PUM2: variants seen among roughly 807,000 people sequenced by gnomAD.
The protein encoded by PUM2 is pumilio homolog 2.
PUM2 carries 57 observed loss-of-function variants against 124.5 expected under a neutral mutation model. The ratio of observed to expected loss-of-function variants is 0.46; its 90% CI spans 0.37 to 0.57. The LOEUF is 0.57. Among genes scored for constraint, PUM2 ranks in the 20% least tolerant of loss-of-function variants. PUM2 has a pLI of 0.00. For synonymous variants in PUM2, 460 were observed against 446.1 expected (o/e 1.03, Z -0.39); for missense variants, 1,065 against 1,290.6 (o/e 0.83, Z 2.68).
intron 13 of PUM2, among the ~76,000 whole-genome samples, chr2:20,274,976 A>AAAAAAAAAAAAAAAAAT (rs1572653682): frequency 6.8e-6 from 1 of 148,004 alleles, no homozygotes; most frequent in African/African-American, 2.5e-5. Flanking sequence ...AAAAAAAAAG[A>AAAAAAAAAAAAAAAAAT]TGCTTACTTC....
chr2:20,291,852 G>A (rs974010961), intron 9 of PUM2, among the ~76,000 whole-genome samples: 3 of 152,044 alleles, frequency 2.0e-5, no homozygotes, highest in Non-Finnish European at 2.9e-5. Flanking sequence ...TGACCATACC[G>A]TTTGCAACGC....
intron 10 of PUM2, among the ~76,000 whole-genome samples, chr2:20,288,205 T>A (rs764180273): frequency 6.6e-6 from 1 of 152,180 alleles, no homozygotes; most frequent in Non-Finnish European, 1.5e-5. Flanking sequence ...AGCCAGACTG[T>A]CTTTTATATT....
intron 2 of PUM2, among the ~76,000 whole-genome samples, chr2:20,322,620 T>C (rs1269168750): frequency 6.6e-6 from 1 of 151,894 alleles, no homozygotes; most frequent in Non-Finnish European, 1.5e-5. Flanking sequence ...CTGGGCAACA[T>C]GGCGAAACAA....
At chr2:20,278,543 G>A in intron 13 of PUM2, 40 bp downstream of exon 13, 1 of 1,464,896 alleles carries the variant, frequency 6.8e-7, no homozygotes, top group Non-Finnish European at 9.5e-7. Context: ...ACACATACAT[G>A]TATACATACA....
At chr2:20,344,982 C>CAAAAAAAA (rs762460030) in intron 1 of PUM2, among the ~76,000 whole-genome samples, 38 of 66,042 alleles carry the variant, frequency 5.8e-4, no homozygotes, top group South Asian at 7.1e-4. Context: ...GACTCTGTCT[C>CAAAAAAAA]AAAAAAAAAA....
At chr2:20,320,206 G>A (rs572643055) in intron 2 of PUM2, among the ~76,000 whole-genome samples, 6 of 152,112 alleles carry the variant, frequency 3.9e-5, no homozygotes, top group East Asian at 1.9e-4. Context: ...TGGAGGTTGC[G>A]CCACTGCACT....
intron 20 of PUM2, among the ~76,000 whole-genome samples, chr2:20,253,073 G>C (rs902177626): frequency 6.6e-6 from 1 of 152,128 alleles, no homozygotes; most frequent in Non-Finnish European, 1.5e-5. Context: ...CACAGGAGTG[G>C]GTGGGTCCTG....
At chr2:20,277,619 T>G (rs987723857) in intron 13 of PUM2, among the ~76,000 whole-genome samples, 1 of 152,138 alleles carries the variant, frequency 6.6e-6, no homozygotes, top group Non-Finnish European at 1.5e-5. Context: ...TTGCTTGTTT[T>G]TGTTTTTTTC....
At chr2:20,307,120 G>A (rs1678522338) in intron 7 of PUM2, among the ~76,000 whole-genome samples, 2 of 152,044 alleles carry the variant, frequency 1.3e-5, no homozygotes, top group South Asian at 4.1e-4. Flanking sequence ...GAAGGCTGAG[G>A]CAGGAGAATC....
chr2:20,336,181 TTTTG>T (rs1484651235), intron 1 of PUM2, among the ~76,000 whole-genome samples: 5 of 143,536 alleles, frequency 3.5e-5, no homozygotes, highest in East Asian at 2.3e-4. Context: ...AAAAGCGTTT[TTTTG>T]TTTTTTTGTT....
At chr2:20,297,727 T>A in intron 7 of PUM2, 49 bp from the exon 8 acceptor site, 1 of 1,577,066 alleles carries the variant, frequency 6.3e-7, no homozygotes, top group Non-Finnish European at 8.7e-7. Context: ...AAAGTATGAT[T>A]TTTTTCATTA....
At position 20,254,015 on chromosome 2, in the gene PUM2, C is replaced by T; in HGVS notation, c.2871-1G>A. On this transcript the variant is annotated splice_acceptor_variant, in intron 19 of 20. Coordinates refer to ENST00000361078, the MANE Select transcript of PUM2 (RefSeq NM_015317.5). LOFTEE classifies it high-confidence loss of function. ...AGTAACACACTTTTCTACTACATTG[C>T]TAAAAATTAAAGCAGATAAACAAAG... The T allele has an allele frequency of 1.3e-6, 2 of 1,597,420 alleles. No individual in the cohort carries two copies. Among genetic ancestry groups the T allele is most frequent in the Non-Finnish European group, 1.7e-6 (2 of 1,174,446 alleles).
intron 8 of PUM2, among the ~76,000 whole-genome samples, chr2:20,296,860 C>A (rs1675726285): frequency 6.6e-6 from 1 of 152,124 alleles, no homozygotes; most frequent in African/African-American, 2.4e-5. Context: ...ACAACTTTTC[C>A]TTACTTACAC....
At chr2:20,317,532 G>A (rs976920469) in intron 3 of PUM2, among the ~76,000 whole-genome samples, 6 of 152,062 alleles carry the variant, frequency 3.9e-5, no homozygotes, top group African/African-American at 1.4e-4. Context: ...CATTTTAAAT[G>A]AAAATACAGA....
upstream of PUM2, chr2:20,352,216 C>T (rs1689407534): frequency 6.6e-6 from 1 of 152,248 alleles, no homozygotes; most frequent in Non-Finnish European, 1.5e-5. Flanking sequence ...CAGTCTTCCT[C>T]TGCCTCCTCA....
intron 1 of PUM2, among the ~76,000 whole-genome samples, chr2:20,328,732 G>C (rs956699424): frequency 2.0e-5 from 3 of 152,156 alleles, no homozygotes; most frequent in Admixed American, 6.5e-5. Context: ...AAGGGTCAGT[G>C]AACTTGAAAA....
intron 14 of PUM2, among the ~76,000 whole-genome samples, chr2:20,261,394 C>CAAAAAAA (rs200294801): frequency 0.012 from 888 of 76,672 alleles, 176 homozygotes; most frequent in African/African-American, 0.015. Context: ...ACTCTGTCTC[C>CAAAAAAA]AAAAAAAAAA....
chr2:20,308,951 T>C (rs1021961276), intron 5 of PUM2, among the ~76,000 whole-genome samples: 4 of 152,146 alleles, frequency 2.6e-5, no homozygotes, highest in Non-Finnish European at 5.9e-5. Flanking sequence ...GGTTATTAAG[T>C]GGCAAATATG....
At chr2:20,298,471 T>C (rs996489881) in intron 7 of PUM2, among the ~76,000 whole-genome samples, 3 of 152,206 alleles carry the variant, frequency 2.0e-5, no homozygotes, top group African/African-American at 4.8e-5. Flanking sequence ...GCAGTACTCA[T>C]TAAAGAGAGA....
Sources: gnomAD v4.1 joint callset for allele counts (sites outside exome capture counted in the v4.1 genomes callset) on GRCh38, gnomAD v4.1.1 for gene constraint, MANE v1.5 for transcripts, NCBI Gene and HGNC (gene_info 2026-07-23, HGNC 2026-07-21) for gene names.